TBC1D31: variants seen among roughly 807,000 people sequenced by gnomAD.
TBC1D31 encodes TBC1 domain family member 31, also known as WD repeat domain 67.
In TBC1D31, 99 loss-of-function variants were observed where a neutral mutation model predicts 132.9. That is an observed-to-expected ratio of 0.74 (90% CI 0.63 to 0.88). TBC1D31 has a LOEUF of 0.88. Among genes scored for constraint, TBC1D31 ranks in the 40% least tolerant of loss-of-function variants. The pLI is 0.00. For missense variants in TBC1D31, 1,134 were observed against 1,256.6 expected (o/e 0.90, Z 1.48); for synonymous variants, 385 against 419.4 (o/e 0.92, Z 1.00).
the TBC1D31 span, among the ~76,000 whole-genome samples, chr8:123,159,802 A>G: frequency 6.6e-6 from 1 of 152,204 alleles, no homozygotes; most frequent in Admixed American, 6.5e-5. Context: ...CAAAAAAAAA[A>G]AAAGCTAAGA....
At chr8:123,082,256 T>C (rs7005760) in intron 2 of TBC1D31, among the ~76,000 whole-genome samples, 2,675 of 152,162 alleles carry the variant, frequency 0.018, 88 homozygotes, top group African/African-American at 0.059. Flanking sequence ...CAGCCCTGTA[T>C]CTATTCTTAT....
chr8:123,091,623 T>C (rs919246362), intron 4 of TBC1D31, among the ~76,000 whole-genome samples: 2 of 152,208 alleles, frequency 1.3e-5, no homozygotes, highest in African/African-American at 4.8e-5. Context: ...TATTTTTTAT[T>C]GTCTTATTGG....
chr8:123,160,314 G>C, the TBC1D31 span, among the ~76,000 whole-genome samples: 1 of 152,078 alleles, frequency 6.6e-6, no homozygotes, highest in Non-Finnish European at 1.5e-5. Flanking sequence ...CTTTGAACAG[G>C]TTTTTTAAAA....
chr8:123,101,620 G>A (rs536930257), intron 7 of TBC1D31, among the ~76,000 whole-genome samples: 2 of 152,152 alleles, frequency 1.3e-5, no homozygotes, highest in Admixed American at 1.3e-4. Flanking sequence ...TCACAATGTT[G>A]GTCAGGCTGG....
At chr8:123,079,123 A>G (rs763362509) in intron 2 of TBC1D31, among the ~76,000 whole-genome samples, 3 of 152,178 alleles carry the variant, frequency 2.0e-5, no homozygotes, top group Non-Finnish European at 2.9e-5. Context: ...TCTACAAGGG[A>G]CAAGATCATG....
At chr8:123,094,051 G>A (rs1816612012) in intron 5 of TBC1D31, among the ~76,000 whole-genome samples, 1 of 151,206 alleles carries the variant, frequency 6.6e-6, no homozygotes, top group African/African-American at 2.4e-5. Context: ...AATCATCAAC[G>A]AATGGCCATT....
At chr8:123,076,989 G>C in intron 1 of TBC1D31, 122 bp from the exon 2 acceptor site, 1 of 860,308 alleles carries the variant, frequency 1.2e-6, no homozygotes, top group Non-Finnish European at 1.7e-6. Context: ...GAGGAGCGGG[G>C]GTATAGCGGT....
At chr8:123,152,401 G>A (rs775840073), downstream of TBC1D31, among the ~76,000 whole-genome samples, 8 of 151,998 alleles carry the variant, frequency 5.3e-5, no homozygotes, top group Non-Finnish European at 1.0e-4. Flanking sequence ...GGACCCCACC[G>A]GACTTGTAAC....
Position 123,144,706 on chromosome 8 carries a change from T to C in TBC1D31, c.2836-11T>C. 6.3e-7 allele frequency: 1 copy of C among 1,595,686 alleles called. No individual in the cohort carries two copies. Among genetic ancestry groups the C allele is most frequent in the South Asian group, 1.1e-5 (1 of 87,326 alleles). ...TTTATGTAATCTTTTTTTCCATTTA[T>C]TTGAATTTAGTGGAAGGAAGCTGAA... On this transcript the variant is annotated splice_polypyrimidine_tract_variant and intron_variant, in intron 19 of 21. Coordinates refer to ENST00000287380, the MANE Select transcript of TBC1D31 (RefSeq NM_145647.4).
downstream of TBC1D31, among the ~76,000 whole-genome samples, chr8:123,156,668 C>T (rs1822997278): frequency 6.6e-6 from 1 of 152,122 alleles, no homozygotes; most frequent in Non-Finnish European, 1.5e-5. Flanking sequence ...ACACAGCTTC[C>T]GGCATATGGT....
In TBC1D31 at chr8:123,130,285, T is replaced by A; in HGVS notation, c.2358T>A (p.Asp786Glu). ...GGCGTTTTCTGAAGCTTCAGCAAGA[T>A]CAACAGGAAATGGAACTAAGAAGAC... ...ARRRFLKLQQ[D>E]QQEMELRRLD... The change falls in exon 16 of 22, where the codon GAT (aspartate) becomes GAA (glutamate). Residue 786 changes from aspartate (D) to glutamate (E), a missense_variant. Transcript: ENST00000287380. 1 of 1,613,068 alleles carries A rather than the reference T, an allele frequency of 6.2e-7. No individual in the cohort carries two copies. Among genetic ancestry groups the A allele is most frequent in the Non-Finnish European group, 8.5e-7 (1 of 1,179,474 alleles).
At position 123,134,115 on chromosome 8, in the gene TBC1D31, T is replaced by C. The variant is rs760352540; in HGVS notation, c.2408T>C (p.Val803Ala). The change falls in exon 17 of 22, where the codon GTA becomes GCA. Residue 803 changes from valine to alanine, a missense_variant and splice_region_variant. Physicochemically the swap from Val to Ala is moderately conservative, Grantham distance 64. Transcript: ENST00000287380. ...RRLDDEIGRK[V>A]YMRDREIAAT... ...TTACAGTTTGTTGTTTGGCCATAGG[T>C]ATATATGAGAGATCGAGAAATTGCT... 105 of 1,611,376 alleles carry C rather than the reference T, an allele frequency of 6.5e-5. No homozygotes were observed. The highest frequency in any genetic ancestry group is 8.8e-5 in the Non-Finnish European group (104 of 1,178,074).
chr8:123,097,089 T>G (rs1027583235), intron 5 of TBC1D31, among the ~76,000 whole-genome samples, 193 bp from the exon 6 acceptor site: 2 of 152,206 alleles, frequency 1.3e-5, no homozygotes, highest in African/African-American at 4.8e-5. Flanking sequence ...TAATACAAAT[T>G]AAATAAAATT....
At chr8:123,104,891 A>G (rs984588924) in intron 7 of TBC1D31, among the ~76,000 whole-genome samples, 3 of 152,182 alleles carry the variant, frequency 2.0e-5, no homozygotes, top group South Asian at 2.1e-4. Context: ...CTTGACCCCA[A>G]AGAATATTAG....
intron 7 of TBC1D31, among the ~76,000 whole-genome samples, chr8:123,101,724 A>T (rs1298678919): frequency 1.3e-5 from 2 of 152,086 alleles, no homozygotes; most frequent in Non-Finnish European, 2.9e-5. Flanking sequence ...AACTTCTTAA[A>T]TTTGAAATAT....
intron 4 of TBC1D31, among the ~76,000 whole-genome samples, 189 bp from the exon 5 acceptor site, chr8:123,093,402 G>GTT (rs774641911): frequency 0.091 from 13,373 of 146,550 alleles, 789 homozygotes; most frequent in Non-Finnish European, 0.13. Context: ...CGTTTGAAGG[G>GTT]TTTTTTTTTT....
the TBC1D31 span, among the ~76,000 whole-genome samples, chr8:123,162,895 C>G: frequency 6.6e-6 from 1 of 151,732 alleles, no homozygotes; most frequent in African/African-American, 2.4e-5. Flanking sequence ...TGCAGTGGTG[C>G]AATTTCAGCT....
intron 10 of TBC1D31, among the ~76,000 whole-genome samples, chr8:123,111,082 T>C (rs1264240978): frequency 6.6e-6 from 1 of 151,470 alleles, no homozygotes; most frequent in Non-Finnish European, 1.5e-5. Flanking sequence ...GGGCTTGATC[T>C]GAGTCAAGGT....
At chr8:123,128,995 G>T in intron 14 of TBC1D31, 71 bp from the exon 15 acceptor site, 2 of 1,014,476 alleles carry the variant, frequency 2.0e-6, no homozygotes, top group East Asian at 5.2e-5. Context: ...ACATTAATCG[G>T]TATACATTTT....
Sources: gnomAD v4.1 joint callset for allele counts (sites outside exome capture counted in the v4.1 genomes callset) on GRCh38, gnomAD v4.1.1 for gene constraint, MANE v1.5 for transcripts, NCBI Gene and HGNC (gene_info 2026-07-23, HGNC 2026-07-21) for gene names.